DMXL2: variants seen among roughly 807,000 people sequenced by gnomAD.
DMXL2 encodes the protein Dmx like 2, also known as dmX-like protein 2.
DMXL2 carries 103 observed loss-of-function variants against 331.1 expected under a neutral mutation model. The ratio of observed to expected loss-of-function variants is 0.31; its 90% CI spans 0.27 to 0.37. The LOEUF is 0.37. Ranked by LOEUF, DMXL2 falls within the 10% of genes least tolerant of loss-of-function variation. DMXL2 has a pLI of 1.00. For missense variants in DMXL2, 3,171 were observed against 3,642.9 expected (o/e 0.87, Z 3.33); for synonymous variants, 1,281 against 1,252.1 (o/e 1.02, Z -0.49).
chr15:51,619,027 A>T, intron 1 of DMXL2, among the ~76,000 whole-genome samples: 1 of 152,222 alleles, frequency 6.6e-6, no homozygotes, highest in Non-Finnish European at 1.5e-5. Context: ...TAATTTAAAA[A>T]ATCATCACGT....
chr15:51,515,868 C>A (rs1368739357), intron 14 of DMXL2, among the ~76,000 whole-genome samples: 1 of 152,132 alleles, frequency 6.6e-6, no homozygotes, highest in African/African-American at 2.4e-5. Flanking sequence ...AGGAAGCCAA[C>A]CCACTCTTCT....
intron 17 of DMXL2, among the ~76,000 whole-genome samples, 171 bp downstream of exon 17, chr15:51,502,635 C>T (rs1596031808): frequency 6.6e-6 from 1 of 152,010 alleles, no homozygotes; most frequent in East Asian, 1.9e-4. Flanking sequence ...GAAATTATTT[C>T]TAATAAAGAC....
chr15:51,461,310 G>A (rs925923615), intron 33 of DMXL2, among the ~76,000 whole-genome samples: 1 of 152,134 alleles, frequency 6.6e-6, no homozygotes, highest in African/African-American at 2.4e-5. Flanking sequence ...AGTTAAGGAA[G>A]AAGCAAACTC....
intron 1 of DMXL2, among the ~76,000 whole-genome samples, chr15:51,580,836 T>A (rs1467182886): frequency 1.3e-5 from 2 of 152,226 alleles, no homozygotes; most frequent in African/African-American, 4.8e-5. Context: ...TCACTTGTTA[T>A]AATCCTATTC....
chr15:51,480,345 G>A (rs2041919241), intron 24 of DMXL2, among the ~76,000 whole-genome samples, 197 bp downstream of exon 24: 1 of 152,164 alleles, frequency 6.6e-6, no homozygotes, highest in South Asian at 2.1e-4. Flanking sequence ...ATACTCTCAA[G>A]CTGTTAAGCC....
chr15:51,495,297 T>C (rs2043095366), intron 18 of DMXL2, among the ~76,000 whole-genome samples, 163 bp from the exon 19 acceptor site: 1 of 152,008 alleles, frequency 6.6e-6, no homozygotes, highest in African/African-American at 2.4e-5. Flanking sequence ...AAAAATTATC[T>C]TTACAAAAAA....
In DMXL2 at chr15:51,499,803, C is replaced by T. The variant is rs74839639; in HGVS notation, c.3421G>A (p.Val1141Ile). Residue 1141 changes from valine to isoleucine, a missense_variant, in exon 18 of 44, where the codon GTC (valine) becomes ATC (isoleucine). Coordinates refer to ENST00000560891, the MANE Select transcript of DMXL2 (RefSeq NM_001378457.1). ...CTATACACAAACAGATTACTGTCGA[C>T]GCTGACCCTTGAATCAAGTACACTC... is the stretch of plus-strand genomic sequence containing the variant. ...VGSVLDSRVSVDSNLFVYSKS... is the reference protein window; with the variant it reads ...VGSVLDSRVSIDSNLFVYSKS... 2.2e-5 allele frequency: 36 copies of T among 1,614,154 alleles called. No individual in the cohort carries two copies. The highest frequency in any genetic ancestry group is 5.0e-5 in the Admixed American group (3 of 60,020).
At chr15:51,587,766 C>T (rs1327274215) in intron 1 of DMXL2, among the ~76,000 whole-genome samples, 3 of 152,192 alleles carry the variant, frequency 2.0e-5, no homozygotes, top group East Asian at 3.8e-4. Flanking sequence ...AATGGTTGAA[C>T]CAGTTTACAG....
At chr15:51,460,252 C>T (rs1869450775) in intron 33 of DMXL2, 2 of 985,444 alleles carry the variant, frequency 2.0e-6, no homozygotes, top group Admixed American at 1.2e-4. Flanking sequence ...TGTGGAAACT[C>T]TGAAGGTTTG....
At chr15:51,591,764 C>G (rs2052361993) in intron 1 of DMXL2, among the ~76,000 whole-genome samples, 1 of 152,166 alleles carries the variant, frequency 6.6e-6, no homozygotes, top group African/African-American at 2.4e-5. Context: ...TCACCAATAT[C>G]CGCTGTTCTG....
chr15:51,607,743 A>G (rs1041852886), intron 1 of DMXL2, among the ~76,000 whole-genome samples: 1 of 152,226 alleles, frequency 6.6e-6, no homozygotes, highest in African/African-American at 2.4e-5. Flanking sequence ...AAAAAAATAT[A>G]TAACTTTCAA....
intron 41 of DMXL2, among the ~76,000 whole-genome samples, 156 bp from the exon 42 acceptor site, chr15:51,451,853 G>C (rs143677049): frequency 7.1e-4 from 108 of 152,176 alleles, no homozygotes; most frequent in African/African-American, 2.5e-3. Flanking sequence ...AACTAGGATG[G>C]GGGTAGGGTC....
At chr15:51,459,965 A>G in intron 33 of DMXL2, 2 of 985,024 alleles carry the variant, frequency 2.0e-6, no homozygotes, top group Non-Finnish European at 2.4e-6. Flanking sequence ...AATCTATAAA[A>G]TTAAAGCCCA....
intron 6 of DMXL2, among the ~76,000 whole-genome samples, chr15:51,557,671 C>T (rs1177956814): frequency 1.3e-5 from 2 of 152,070 alleles, no homozygotes; most frequent in South Asian, 2.1e-4. Context: ...GACACTCATA[C>T]AAGGAAAGAC....
At chr15:51,591,605 A>C (rs1184519387) in intron 1 of DMXL2, among the ~76,000 whole-genome samples, 1 of 152,208 alleles carries the variant, frequency 6.6e-6, no homozygotes, top group Admixed American at 6.5e-5. Flanking sequence ...ACTCAGCTGG[A>C]CATCTGAGAA....
intron 1 of DMXL2, among the ~76,000 whole-genome samples, chr15:51,581,971 C>G (rs1312344744): frequency 6.6e-6 from 1 of 152,134 alleles, no homozygotes; most frequent in Non-Finnish European, 1.5e-5. Flanking sequence ...ACCAAGAATA[C>G]TATATCAAGA....
chr15:51,609,206 GAC>G (rs2053792217), intron 1 of DMXL2, among the ~76,000 whole-genome samples: 1 of 152,030 alleles, frequency 6.6e-6, no homozygotes, highest in East Asian at 1.9e-4. Context: ...CATTTCAAAA[GAC>G]ACAAGAAAGG....
intron 17 of DMXL2, 81 bp from the exon 18 acceptor site, chr15:51,500,312 G>A (rs1301890565): frequency 4.4e-6 from 6 of 1,356,260 alleles, no homozygotes; most frequent in Non-Finnish European, 5.9e-6. Context: ...ATTCTGGAAT[G>A]TGATCAATTT....
intron 1 of DMXL2, among the ~76,000 whole-genome samples, chr15:51,589,276 A>G (rs996166935): frequency 6.6e-6 from 1 of 152,236 alleles, no homozygotes; most frequent in African/African-American, 2.4e-5. Flanking sequence ...TTTCAGAAGC[A>G]AATAGATCAG....
Sources: gnomAD v4.1 joint callset for allele counts (sites outside exome capture counted in the v4.1 genomes callset) on GRCh38, gnomAD v4.1.1 for gene constraint, MANE v1.5 for transcripts, NCBI Gene and HGNC (gene_info 2026-07-23, HGNC 2026-07-21) for gene names.